Variants in CACNA1I observed in about 807,000 individuals in gnomAD.
CACNA1I encodes calcium voltage-gated channel subunit alpha1 I.
A neutral mutation model predicts 201.6 loss-of-function variants in CACNA1I; 74 were observed. The observed-to-expected ratio is 0.37, with a 90% CI of 0.30 to 0.45. The LOEUF (loss-of-function observed/expected upper bound fraction) is 0.45. Among genes scored for constraint, CACNA1I ranks in the 20% least tolerant of loss-of-function variants. The pLI, the probability that CACNA1I is intolerant of heterozygous loss-of-function variation, is 1.00. For synonymous variants in CACNA1I, 1,431 were observed against 1,345.2 expected, an observed-to-expected ratio of 1.06 and a Z score of -1.40; for missense variants, 2,346 against 3,138.1, an observed-to-expected ratio of 0.75 and a Z score of 6.03.
At chr22:39,681,412 C>CG (rs1935703619) in intron 34 of CACNA1I, among the ~76,000 whole-genome samples, 2 of 152,172 alleles carry the variant, frequency 1.3e-5, no homozygotes, top group Non-Finnish European at 1.5e-5. Flanking sequence ...CTGCTATGTG[C>CG]GGGGGCGGTC....
At position 39,586,493 on chromosome 22, in the gene CACNA1I, AAAATAAATAAATAAAT is replaced by A. The variant is rs368933585; in HGVS notation, c.237-11642_237-11627del. ...GGTGACAGAATTAGACTCCGTCTCTAAAATAAATAAATAAATAAATAAATAAATAAAAACTTTATTC... is the reference window on the plus strand; with the variant it reads ...GGTGACAGAATTAGACTCCGTCTCTAAAATAAATAAATAAAAACTTTATTC... On this transcript the variant is annotated intron_variant, in intron 1 of 36. Transcript: ENST00000402142. 3.9e-3 allele frequency among the ~76,000 whole-genome samples: 594 copies of A among 151,196 alleles called. 5 individuals are homozygous for A. The highest frequency in any genetic ancestry group is 6.8e-3 in the Middle Eastern group (2 of 294).
At chr22:39,639,171 T>C (rs770056461) in intron 5 of CACNA1I, among the ~76,000 whole-genome samples, 2 of 152,252 alleles carry the variant, frequency 1.3e-5, no homozygotes, top group Non-Finnish European at 2.9e-5. Flanking sequence ...TATAACTGTT[T>C]GCAGATTACA....
Position 39,688,810 on chromosome 22 carries a change from G to T in CACNA1I, c.*2405G>T, listed in dbSNP as rs1314867534. ...GGCAAAGGGATGGGCATGAGCGAAG[G>T]CTCCAGGGTCCACAGAGCAGGGAGT... On this transcript the variant is annotated 3_prime_UTR_variant, in exon 37 of 37. Coordinates refer to ENST00000402142, the MANE Select transcript of CACNA1I (RefSeq NM_021096.4). This position sits in a 1 kb window ranked among gnomAD's most constrained non-coding sequence, Gnocchi z 4.8. 1 of 152,444 alleles carries T rather than the reference G, an allele frequency of 6.6e-6. No homozygotes were observed. Among genetic ancestry groups the T allele is most frequent in the African/African-American group, 2.4e-5 (1 of 41,462 alleles). The allele number at this position is 152,444 out of a possible 1,614,324, so 9.4% of individuals were successfully genotyped here.
At chr22:39,675,442 G>C (rs569091356) in intron 29 of CACNA1I, among the ~76,000 whole-genome samples, 1 of 152,280 alleles carries the variant, frequency 6.6e-6, no homozygotes, top group African/African-American at 2.4e-5. Context: ...TGTGGAGCTG[G>C]CATGGGGCAC....
intron 33 of CACNA1I, 118 bp downstream of exon 33, chr22:39,679,986 G>A: frequency 9.8e-7 from 1 of 1,021,090 alleles, no homozygotes; most frequent in Non-Finnish European, 1.4e-6. Context: ...GGGTCAACGT[G>A]GGCACACGTA....
intron 1 of CACNA1I, among the ~76,000 whole-genome samples, chr22:39,581,653 T>C (rs918199005): frequency 6.6e-6 from 1 of 152,134 alleles, no homozygotes; most frequent in Non-Finnish European, 1.5e-5. Context: ...TAAGACATGA[T>C]TGGATTTTTA....
chr22:39,656,208 C>A (rs1161969819), intron 10 of CACNA1I, among the ~76,000 whole-genome samples: 7 of 152,072 alleles, frequency 4.6e-5, no homozygotes, highest in African/African-American at 7.3e-5. Context: ...AGGCTGGAAG[C>A]TGGCGCTTGG....
chr22:39,654,324 T>C (rs977712780), intron 10 of CACNA1I, among the ~76,000 whole-genome samples: 16 of 152,214 alleles, frequency 1.1e-4, no homozygotes, highest in African/African-American at 3.9e-4. Context: ...CCCCCTGAGC[T>C]GGGCAGGGCT....
At position 39,666,176 on chromosome 22, in the gene CACNA1I, C is replaced by T. The variant is rs1415113255; in HGVS notation, c.4104+170C>T. The stretch of plus-strand genomic sequence containing the variant: ...ATGGGTAAGGGTAGCACTCACCTCT[C>T]AGGTGGGATGAGGCTTAGAGAGTCT... On this transcript the variant is annotated intron_variant, in intron 23 of 36. Transcript: ENST00000402142. This position sits in a 1 kb window ranked among gnomAD's most constrained non-coding sequence, Gnocchi z 4.1. Among the ~76,000 whole-genome samples, 2 of 152,144 alleles carry T rather than the reference C, an allele frequency of 1.3e-5. No homozygotes were observed. The highest frequency in any genetic ancestry group is 2.9e-5 in the Non-Finnish European group (2 of 68,018).
At position 39,672,933 on chromosome 22, in the gene CACNA1I, A is replaced by G. The variant is rs1935414193; in HGVS notation, c.4650-16A>G. 1.2e-6 allele frequency: 2 copies of G among 1,609,560 alleles called. No homozygotes were observed. Among genetic ancestry groups the G allele is most frequent in the African/African-American group, 2.7e-5 (2 of 74,846 alleles). On this transcript the variant is annotated splice_polypyrimidine_tract_variant and intron_variant, in intron 27 of 36. Transcript: ENST00000402142. Reference sequence around the variant, plus strand: ...TCCTCATGCCCACTCCTGCCCTCCCATGCACGGCTGAGCAGATGGAACCAG... The same window carrying G: ...TCCTCATGCCCACTCCTGCCCTCCCGTGCACGGCTGAGCAGATGGAACCAG...
intron 3 of CACNA1I, among the ~76,000 whole-genome samples, chr22:39,603,951 G>A (rs56189860): frequency 0.028 from 4,202 of 152,288 alleles, 161 homozygotes; most frequent in African/African-American, 0.094. Flanking sequence ...TAATTTCATA[G>A]CATCCAGACC....
chr22:39,598,261 A>G lies in CACNA1I; in HGVS notation c.347A>G (p.Gln116Arg), dbSNP rs1184177212. The change falls in exon 2 of 37, where the codon CAG (glutamine) becomes CGG (arginine). Residue 116 changes from glutamine (Q) to arginine (R), a missense_variant and splice_region_variant. Physicochemically the swap from Gln to Arg is conservative, Grantham distance 43. Transcript: ENST00000402142. ...CTGTCCGACCGCTGCAAGATCCTGC[A>G]GGTGAGCCGGCCGCCCCGCCCCGCC... is the stretch of plus-strand genomic sequence containing the variant. ...DCLSDRCKIL[Q>R]VFDDFIFIFF... 6.4e-7 allele frequency: 1 copy of G among 1,567,128 alleles called. No individual in the cohort carries two copies. The highest frequency in any genetic ancestry group is 1.8e-5 in the Admixed American group (1 of 56,302).
intron 5 of CACNA1I, among the ~76,000 whole-genome samples, chr22:39,640,234 CA>C (rs1468438060): frequency 6.6e-6 from 1 of 152,048 alleles, no homozygotes; most frequent in African/African-American, 2.4e-5. Context: ...ACTAAAAAAA[CA>C]AAAATTAGCT....
chr22:39,653,950 C>A (rs1015538480), intron 10 of CACNA1I, among the ~76,000 whole-genome samples: 1 of 152,196 alleles, frequency 6.6e-6, no homozygotes, highest in South Asian at 2.1e-4. Context: ...ATTCCCACCC[C>A]CTGGGTAGCC....
In CACNA1I at chr22:39,684,276, A is replaced by C; in HGVS notation, c.5831-26A>C. 6.2e-7 allele frequency: 1 copy of C among 1,609,136 alleles called. No individual in the cohort carries two copies. The highest frequency in any genetic ancestry group is 8.5e-7 in the Non-Finnish European group (1 of 1,176,992). On this transcript the variant is annotated intron_variant, in intron 35 of 36. Coordinates refer to ENST00000402142, the MANE Select transcript of CACNA1I (RefSeq NM_021096.4). The surrounding 1 kb of genome is among the most constrained non-coding windows in gnomAD (Gnocchi z 4.6). ...CCCCCTGGCCTGAGCGTGCTCCCTC[A>C]GCTCTGTCTTCTCCTTTCCCAGCAG...
chr22:39,638,713 A>C (rs1335419269), intron 5 of CACNA1I, among the ~76,000 whole-genome samples: 1 of 151,462 alleles, frequency 6.6e-6, no homozygotes, highest in East Asian at 1.9e-4. Context: ...AAGTTATGGG[A>C]GATTTTCATA....
chr22:39,641,743 G>A (rs542112017), intron 6 of CACNA1I, among the ~76,000 whole-genome samples: 3 of 152,334 alleles, frequency 2.0e-5, no homozygotes, highest in East Asian at 1.9e-4. Context: ...GGCTTGTTGC[G>A]TGGCCCCACT....
chr22:39,605,521 A>G lies in CACNA1I; in HGVS notation c.482+4868A>G, dbSNP rs533642007. On this transcript the variant is annotated intron_variant, in intron 3 of 36. Coordinates refer to ENST00000402142, the MANE Select transcript of CACNA1I (RefSeq NM_021096.4). ...CTAAATCGACCTTTATTGAGCATCTACTACATGCCAGGCCTTGTGCAGAGC... is the reference window on the plus strand; with the variant it reads ...CTAAATCGACCTTTATTGAGCATCTGCTACATGCCAGGCCTTGTGCAGAGC... Among the ~76,000 whole-genome samples, 4 of 152,346 alleles carry G rather than the reference A, an allele frequency of 2.6e-5. No homozygotes were observed. In the South Asian group the frequency reaches 8.3e-4, roughly 32 times the overall value.
In CACNA1I at chr22:39,682,571, G is replaced by C. The variant is rs752733821; in HGVS notation, c.5740G>C (p.Val1914Leu). Residue 1914 changes from valine to leucine, a missense_variant, in exon 35 of 37, where the codon GTC becomes CTC. Coordinates refer to ENST00000402142, the MANE Select transcript of CACNA1I (RefSeq NM_021096.4). ...CTTCTTCCCCTTGTCCTCTACGGCC[G>C]TCTCGCCGGATCCAGAGAACTTCCT... is the stretch of plus-strand genomic sequence containing the variant. ...ECFFPLSSTAVSPDPENFLCE... is the reference protein window; with the variant it reads ...ECFFPLSSTALSPDPENFLCE... 1.2e-6 allele frequency: 2 copies of C among 1,613,644 alleles called. No individual in the cohort carries two copies. The highest frequency in any genetic ancestry group is 1.7e-6 in the Non-Finnish European group (2 of 1,179,836).
Sources: gnomAD v4.1 joint callset for allele counts (sites outside exome capture counted in the v4.1 genomes callset) on GRCh38, gnomAD v4.1.1 for gene constraint, Gnocchi (gnomAD v3.1) non-coding constraint, MANE v1.5 for transcripts, NCBI Gene and HGNC (gene_info 2026-07-23, HGNC 2026-07-21) for gene names.